Variants in WDFY3 observed in about 807,000 individuals in gnomAD.
WDFY3 encodes the protein WD repeat and FYVE domain containing 3.
Under a neutral mutation model 409.6 loss-of-function variants are expected in WDFY3, and 66 were observed. The observed-to-expected ratio is 0.16, with a 90% CI of 0.13 to 0.20. The LOEUF (loss-of-function observed/expected upper bound fraction) is 0.20, where lower values mean the gene tolerates loss of function less well. WDFY3 is among the 10% of genes least tolerant of loss of function. WDFY3 has a pLI of 1.00. For missense variants in WDFY3, 3,031 were observed against 4,298.1 expected (o/e 0.71, Z 8.24); for synonymous variants, 1,521 against 1,537.1 (o/e 0.99, Z 0.25).
chr4:84,904,677 A>G (rs550966557), intron 2 of WDFY3, among the ~76,000 whole-genome samples: 1 of 152,320 alleles, frequency 6.6e-6, no homozygotes, highest in African/African-American at 2.4e-5. Flanking sequence ...TGGCCCATGC[A>G]AGCAAACTCT....
chr4:84,904,694 TAG>T (rs1766794687), intron 2 of WDFY3, among the ~76,000 whole-genome samples: 1 of 152,180 alleles, frequency 6.6e-6, no homozygotes, highest in Non-Finnish European at 1.5e-5. Flanking sequence ...CTCTAAAAGG[TAG>T]AGTTTCTAGG....
chr4:84,862,782 T>C lies in WDFY3; in HGVS notation c.-31-2160A>G, dbSNP rs1760831555. Among the ~76,000 whole-genome samples, 4 of 152,088 alleles carry C rather than the reference T, an allele frequency of 2.6e-5. No homozygotes were observed. In the South Asian group the frequency reaches 6.2e-4, roughly 24 times the overall value. On this transcript the variant is annotated intron_variant, in intron 3 of 67. Transcript: ENST00000295888. The stretch of plus-strand genomic sequence containing the variant: ...GCGGGTGGATCACGAGGTCAGGGGA[T>C]CGAGACTATCCTGGCTAACACGGTG...
At chr4:84,685,049 A>G (rs1449889339) in intron 62 of WDFY3, among the ~76,000 whole-genome samples, 2 of 152,222 alleles carry the variant, frequency 1.3e-5, no homozygotes, top group Admixed American at 6.5e-5. Flanking sequence ...CCAGCTTTCT[A>G]TAGCGCCAAA....
At chr4:84,762,242 A>C (rs2149366193) in intron 32 of WDFY3, among the ~76,000 whole-genome samples, 1 of 151,990 alleles carries the variant, frequency 6.6e-6, no homozygotes. Flanking sequence ...GACTGGATTA[A>C]GAAAATGTGG....
chr4:84,717,086 G>T, intron 48 of WDFY3, 70 bp from the exon 49 acceptor site: 1 of 1,430,648 alleles, frequency 7.0e-7, no homozygotes, highest in African/African-American at 1.5e-5. Flanking sequence ...CATAAAGGGC[G>T]TGCTAATTTT....
intron 3 of WDFY3, among the ~76,000 whole-genome samples, chr4:84,888,000 C>T (rs750556452): frequency 1.3e-5 from 2 of 152,140 alleles, no homozygotes; most frequent in Non-Finnish European, 2.9e-5. Flanking sequence ...AGATTGGTGA[C>T]AAGAAATATG....
At chr4:84,726,953 A>C (rs779641044) in intron 44 of WDFY3, 42 bp from the exon 45 acceptor site, 2 of 1,539,568 alleles carry the variant, frequency 1.3e-6, no homozygotes, top group Non-Finnish European at 8.8e-7. Flanking sequence ...AGAAAAAAAA[A>C]CATAAAGAGG....
At position 84,783,949 on chromosome 4, in the gene WDFY3, A is replaced by G. The variant is rs145720818; in HGVS notation, c.4063-875T>C. On this transcript the variant is annotated intron_variant, in intron 24 of 67. Transcript: ENST00000295888. ...TACTTACAGTTCCTGGTCTCTTGAT[A>G]TCCTTCCCCTTGGACTTTGCCTCTG... Among the ~76,000 whole-genome samples the G allele has an allele frequency of 5.0e-4, 76 of 151,994 alleles. 1 individual carries two copies. Among genetic ancestry groups the G allele is most frequent in the African/African-American group, 1.8e-3 (73 of 41,440 alleles).
At chr4:84,820,749 C>G (rs1177757717) in intron 11 of WDFY3, among the ~76,000 whole-genome samples, 4 of 151,944 alleles carry the variant, frequency 2.6e-5, no homozygotes, top group Admixed American at 6.6e-5. Flanking sequence ...TAATTAATAA[C>G]AAATCTGATT....
chr4:84,816,472 G>GT (rs1296969526), intron 13 of WDFY3, among the ~76,000 whole-genome samples: 1 of 152,006 alleles, frequency 6.6e-6, no homozygotes, highest in Non-Finnish European at 1.5e-5. Flanking sequence ...GACACTAATA[G>GT]TATTTATTTT....
At chr4:84,844,370 T>C (rs1757788777) in intron 5 of WDFY3, 2 of 1,206,006 alleles carry the variant, frequency 1.7e-6, no homozygotes, top group African/African-American at 1.6e-5. Context: ...TTCCACAAGT[T>C]AGTCAGAAAA....
chr4:84,855,616 T>C (rs1262515680), intron 4 of WDFY3, among the ~76,000 whole-genome samples: 1 of 152,190 alleles, frequency 6.6e-6, no homozygotes, highest in Admixed American at 6.5e-5. Flanking sequence ...TTACAAAGTT[T>C]TTAAAAATGG....
At chr4:84,787,454 C>G (rs773076457) in intron 23 of WDFY3, 28 bp downstream of exon 23, 1 of 1,599,070 alleles carries the variant, frequency 6.3e-7, no homozygotes, top group East Asian at 2.2e-5. Context: ...TTTCATACAA[C>G]TTCAAGAACT....
chr4:84,781,059 C>T (rs147974385), intron 25 of WDFY3, among the ~76,000 whole-genome samples: 205 of 152,166 alleles, frequency 1.3e-3, no homozygotes, highest in African/African-American at 4.7e-3. Flanking sequence ...TTTGGAGAAG[C>T]TATCCTGGCG....
intron 15 of WDFY3, 93 bp downstream of exon 15, chr4:84,808,241 T>C (rs1578616319): frequency 1.9e-6 from 2 of 1,031,430 alleles, no homozygotes; most frequent in East Asian, 5.5e-5. Flanking sequence ...AAAACTGAAA[T>C]CACAAAACAC....
At chr4:84,774,751 T>C (rs1238107686) in intron 29 of WDFY3, 69 bp downstream of exon 29, 5 of 1,476,242 alleles carry the variant, frequency 3.4e-6, no homozygotes, top group East Asian at 2.3e-5. Flanking sequence ...ATTAAATTCA[T>C]CTCATCCATC....
chr4:84,706,609 A>G (rs1731990838), intron 53 of WDFY3, among the ~76,000 whole-genome samples: 1 of 151,594 alleles, frequency 6.6e-6, no homozygotes, highest in South Asian at 2.1e-4. Context: ...CAGTGTGGGA[A>G]TAGAAGGCAG....
chr4:84,764,426 A>AT (rs1241648269), intron 32 of WDFY3, among the ~76,000 whole-genome samples: 3 of 152,224 alleles, frequency 2.0e-5, no homozygotes, highest in Non-Finnish European at 2.9e-5. Flanking sequence ...TTTAAAATGT[A>AT]TATTATAAAG....
intron 62 of WDFY3, 72 bp from the exon 63 acceptor site, chr4:84,684,197 A>C: frequency 2.8e-6 from 4 of 1,412,256 alleles, no homozygotes; most frequent in Non-Finnish European, 1.9e-6. Flanking sequence ...AAGCAAATTG[A>C]ATCCCTGGCC....
Sources: allele counts gnomAD v4.1 joint callset (sites outside exome capture counted in the v4.1 genomes callset), GRCh38; gene constraint gnomAD v4.1.1; transcripts MANE v1.5; gene names NCBI Gene and HGNC (gene_info 2026-07-23, HGNC 2026-07-21).